Variants in ARHGAP10 observed in about 807,000 individuals in gnomAD.
The protein encoded by ARHGAP10 is rho GTPase-activating protein 10.
A neutral mutation model predicts 108.6 loss-of-function variants in ARHGAP10; 87 were observed. The ratio of observed to expected loss-of-function variants is 0.80; its 90% CI spans 0.67 to 0.96. ARHGAP10 has a LOEUF of 0.96. Among genes scored for constraint, ARHGAP10 ranks in the 40% least tolerant of loss-of-function variants. The pLI is 0.00. For missense variants in ARHGAP10, 939 were observed against 954.5 expected, an observed-to-expected ratio of 0.98 and a Z score of 0.21; for synonymous variants, 347 against 341.1, an observed-to-expected ratio of 1.02 and a Z score of -0.19.
At chr4:147,869,998 TTGTGTG>T (rs1553958575) in intron 7 of ARHGAP10, among the ~76,000 whole-genome samples, 2 of 93,068 alleles carry the variant, frequency 2.1e-5, no homozygotes, top group African/African-American at 8.8e-5. Context: ...AAGTCCCAGT[TTGTGTG>T]TGTGTGTGTG....
At chr4:147,998,688 C>T (rs1218687913) in intron 18 of ARHGAP10, among the ~76,000 whole-genome samples, 1 of 152,206 alleles carries the variant, frequency 6.6e-6, no homozygotes, top group African/African-American at 2.4e-5. Flanking sequence ...TTTGAAAATA[C>T]ATTAGTATAT....
chr4:147,764,281 G>C (rs1729704710), intron 1 of ARHGAP10, among the ~76,000 whole-genome samples: 1 of 152,044 alleles, frequency 6.6e-6, no homozygotes, highest in South Asian at 2.1e-4. Context: ...ATACCACTTT[G>C]AGTTTAGATT....
chr4:148,065,774 C>T (rs1216635403), intron 22 of ARHGAP10: 1 of 152,026 alleles, frequency 6.6e-6, no homozygotes, highest in African/African-American at 2.4e-5. Flanking sequence ...AGATAGTTAC[C>T]TTGGTAGAAG....
chr4:147,822,627 A>G lies in ARHGAP10; in HGVS notation c.155-100A>G, dbSNP rs1732551632. ...TCATGCCTTCTCATAGATTGAGCGG[A>G]GGAGAGCTCTACAGCTTTACCAATT... On this transcript the variant is annotated intron_variant, in intron 1 of 22. Transcript: ENST00000336498. The G allele has an allele frequency of 3.4e-6, 4 of 1,189,906 alleles. No homozygotes were observed. The Admixed American group carries it at 5.6e-5, about 17-fold the overall frequency. The allele number at this position is 1,189,906 out of a possible 1,614,324, so 73.7% of individuals were successfully genotyped here. A position where few individuals can be genotyped will look rare whatever the true frequency, so the allele number is the denominator to read the frequency against.
intron 10 of ARHGAP10, among the ~76,000 whole-genome samples, chr4:147,904,975 A>G (rs908237737): frequency 6.6e-5 from 10 of 152,240 alleles, no homozygotes; most frequent in Admixed American, 6.5e-4. Flanking sequence ...CATTTCTCTG[A>G]TGGCCAGTGA....
intron 10 of ARHGAP10, among the ~76,000 whole-genome samples, chr4:147,900,150 A>G (rs1736179088): frequency 6.6e-6 from 1 of 152,188 alleles, no homozygotes; most frequent in Non-Finnish European, 1.5e-5. Context: ...ATGCAGTTGA[A>G]AGAGACTTAA....
intron 16 of ARHGAP10, among the ~76,000 whole-genome samples, chr4:147,957,910 T>C (rs1403033824): frequency 6.6e-6 from 1 of 152,238 alleles, no homozygotes; most frequent in African/African-American, 2.4e-5. Flanking sequence ...TTGACTGCAT[T>C]GGAAAAGTTA....
chr4:147,791,082 A>G (rs1032644615), intron 1 of ARHGAP10, among the ~76,000 whole-genome samples: 2 of 151,778 alleles, frequency 1.3e-5, no homozygotes, highest in South Asian at 4.2e-4. Context: ...AAACTTTATG[A>G]AAATAACAGC....
At chr4:147,925,162 A>G (rs943161192) in intron 13 of ARHGAP10, among the ~76,000 whole-genome samples, 3 of 152,206 alleles carry the variant, frequency 2.0e-5, no homozygotes, top group Non-Finnish European at 2.9e-5. Flanking sequence ...CCAGAGGCTC[A>G]GGAAGAACAC....
chr4:147,882,275 A>G (rs963169531), intron 10 of ARHGAP10, among the ~76,000 whole-genome samples: 3 of 152,100 alleles, frequency 2.0e-5, no homozygotes, highest in Non-Finnish European at 2.9e-5. Flanking sequence ...ATCCAGGCCA[A>G]AATGGTGAAA....
chr4:147,985,398 T>A (rs1739999307), intron 18 of ARHGAP10, among the ~76,000 whole-genome samples: 1 of 152,144 alleles, frequency 6.6e-6, no homozygotes, highest in Non-Finnish European at 1.5e-5. Context: ...GAGAGGAGGC[T>A]GGGCACCCAG....
chr4:148,055,304 T>C (rs1231892260), intron 20 of ARHGAP10, among the ~76,000 whole-genome samples: 1 of 152,100 alleles, frequency 6.6e-6, no homozygotes, highest in Non-Finnish European at 1.5e-5. Flanking sequence ...GAGGACTGAG[T>C]GTTAAACATG....
intron 15 of ARHGAP10, among the ~76,000 whole-genome samples, chr4:147,951,622 C>T (rs1578726312): frequency 6.6e-6 from 1 of 151,524 alleles, no homozygotes; most frequent in African/African-American, 2.4e-5. Flanking sequence ...CTTTTCAAAA[C>T]ATTAAAAAAA....
chr4:147,887,634 G>T (rs2126881011), intron 10 of ARHGAP10, among the ~76,000 whole-genome samples: 1 of 152,150 alleles, frequency 6.6e-6, no homozygotes, highest in African/African-American at 2.4e-5. Context: ...AGCCGAGGTG[G>T]GTGGATCACC....
At chr4:147,744,474 G>A (rs550808902) in intron 1 of ARHGAP10, among the ~76,000 whole-genome samples, 36 of 152,242 alleles carry the variant, frequency 2.4e-4, no homozygotes, top group African/African-American at 8.7e-4. Flanking sequence ...TTGTGTAGGG[G>A]AGTGGTGTGA....
intron 19 of ARHGAP10, among the ~76,000 whole-genome samples, chr4:148,035,933 G>A (rs1051992932): frequency 6.6e-6 from 1 of 152,000 alleles, no homozygotes; most frequent in Non-Finnish European, 1.5e-5. Context: ...TGGATGGTAG[G>A]GTAGAGTTGA....
At chr4:147,845,437 C>A (rs962793265) in intron 3 of ARHGAP10, among the ~76,000 whole-genome samples, 20 of 152,308 alleles carry the variant, frequency 1.3e-4, no homozygotes, top group Admixed American at 1.1e-3. Context: ...TGCTTAACAG[C>A]TGTTTATCTC....
At chr4:147,780,703 A>T (rs1366217236) in intron 1 of ARHGAP10, among the ~76,000 whole-genome samples, 1 of 152,178 alleles carries the variant, frequency 6.6e-6, no homozygotes, top group Non-Finnish European at 1.5e-5. Context: ...AGGTCATAAC[A>T]AGCCTGCCTC....
intron 18 of ARHGAP10, among the ~76,000 whole-genome samples, chr4:147,972,164 G>T (rs1022341006): frequency 6.6e-6 from 1 of 152,222 alleles, no homozygotes; most frequent in East Asian, 1.9e-4. Context: ...GAATTTAGGG[G>T]TAGAAAGTAT....
Sources: allele counts gnomAD v4.1 joint callset (sites outside exome capture counted in the v4.1 genomes callset), GRCh38; gene constraint gnomAD v4.1.1; transcripts MANE v1.5; gene names NCBI Gene and HGNC (gene_info 2026-07-23, HGNC 2026-07-21).